The following F2 variants were observed in gnomAD, a reference collection of about 807,000 sequenced individuals.
The protein encoded by F2 is coagulation factor II, thrombin.
F2 carries 34 observed loss-of-function variants against 81.9 expected under a neutral mutation model. The observed-to-expected ratio is 0.42, with a 90% CI of 0.32 to 0.55. F2 has a LOEUF of 0.55. F2 is among the 20% of genes least tolerant of loss of function. The pLI, the probability that F2 is intolerant of heterozygous loss-of-function variation, is 0.18. For missense variants in F2, 630 were observed against 833.4 expected, an observed-to-expected ratio of 0.76 and a Z score of 3.00; for synonymous variants, 296 against 326.4, an observed-to-expected ratio of 0.91 and a Z score of 1.01.
Position 46,723,022 on chromosome 11 carries a change from A to G in F2, c.317-158A>G. The G allele has an allele frequency of 1.3e-6, 1 of 760,346 alleles. No homozygotes were observed. The highest frequency in any genetic ancestry group is 2.4e-6 in the Non-Finnish European group (1 of 417,234). 47.1% of individuals were successfully genotyped at this position (760,346 alleles called of 1,614,324 possible). Reference sequence around the variant, plus strand: ...ATATTTGGAGGCCACTGTTGAGTGAATGGGAGAACTGCTGGTTGCAGAGGA... The same window carrying G: ...ATATTTGGAGGCCACTGTTGAGTGAGTGGGAGAACTGCTGGTTGCAGAGGA... On this transcript the variant is annotated intron_variant, in intron 4 of 13. Coordinates refer to ENST00000311907, the MANE Select transcript of F2 (RefSeq NM_000506.5). The surrounding 1 kb of genome is among the most constrained non-coding windows in gnomAD (Gnocchi z 5.6).
At chr11:46,727,477 G>T (rs2064881804) in intron 9 of F2, among the ~76,000 whole-genome samples, 1 of 152,098 alleles carries the variant, frequency 6.6e-6, no homozygotes, top group South Asian at 2.1e-4. Context: ...TAGTTAGGGG[G>T]TGCAAAAAGC....
rs564623219 is a variant in F2, at chr11:46,725,627, G to A, written c.560-232G>A. Among the ~76,000 whole-genome samples, 6 of 152,196 alleles carry A rather than the reference G, an allele frequency of 3.9e-5. No individual in the cohort carries two copies. In the South Asian group the frequency reaches 1.0e-3, roughly 26 times the overall value. On this transcript the variant is annotated intron_variant, in intron 6 of 13. Transcript: ENST00000311907. ...GAGGCCAAACCTGGTTACTATCTCT[G>A]GTTTATTATGTGCCAGACACTTATG... is the stretch of plus-strand genomic sequence containing the variant.
intron 12 of F2, among the ~76,000 whole-genome samples, chr11:46,737,367 C>T (rs564350226): frequency 6.3e-4 from 95 of 151,264 alleles, no homozygotes; most frequent in Non-Finnish European, 1.3e-3. Flanking sequence ...TGGTCTCGAA[C>T]TCCTGACCTC....
chr11:46,733,582 T>C (rs987961934), intron 12 of F2, among the ~76,000 whole-genome samples: 1 of 152,166 alleles, frequency 6.6e-6, no homozygotes, highest in African/African-American at 2.4e-5. Context: ...TTTTTAAATT[T>C]CTTTCCATAA....
chr11:46,736,015 C>T (rs187582768), intron 12 of F2, among the ~76,000 whole-genome samples: 17 of 151,904 alleles, frequency 1.1e-4, no homozygotes, highest in East Asian at 9.7e-4. Flanking sequence ...CAAGCCTGGC[C>T]GACATGGTGA....
At position 46,726,321 on chromosome 11, in the gene F2, A is replaced by T; in HGVS notation, c.874+148A>T. 1 of 1,435,500 alleles carries T rather than the reference A, an allele frequency of 7.0e-7. No individual in the cohort carries two copies. The highest frequency in any genetic ancestry group is 9.5e-7 in the Non-Finnish European group (1 of 1,053,846). The allele number at this position is 1,435,500 out of a possible 1,614,324, so 88.9% of individuals were successfully genotyped here. ...AGGTGGGGGGTAAGGTCCTGTGCCC[A>T]TTTCACAGATAAGTACACTGAGGCC... On this transcript the variant is annotated intron_variant, in intron 7 of 13. Coordinates refer to ENST00000311907, the MANE Select transcript of F2 (RefSeq NM_000506.5). The surrounding 1 kb of genome is among the most constrained non-coding windows in gnomAD (Gnocchi z 5.9).
intron 12 of F2, among the ~76,000 whole-genome samples, chr11:46,738,491 C>T (rs531935333): frequency 7.3e-5 from 11 of 150,444 alleles, no homozygotes; most frequent in Admixed American, 2.7e-4. Flanking sequence ...TTAATTTTTT[C>T]GAGACAGGGT....
chr11:46,723,062 A>G lies in F2; in HGVS notation c.317-118A>G, dbSNP rs1220381251. 9 of 854,130 alleles carry G rather than the reference A, an allele frequency of 1.1e-5. No individual in the cohort carries two copies. The highest frequency in any genetic ancestry group is 1.7e-5 in the Admixed American group (1 of 59,022). 52.9% of individuals were successfully genotyped at this position (854,130 alleles called of 1,614,324 possible). On this transcript the variant is annotated intron_variant, in intron 4 of 13. Coordinates refer to ENST00000311907, the MANE Select transcript of F2 (RefSeq NM_000506.5). The surrounding 1 kb of genome is among the most constrained non-coding windows in gnomAD (Gnocchi z 5.6). ...GTTGCAGAGGAAGAGGGGCTGGGTG[A>G]ATGCAGGTTCAGGATTGTGGACCTG... is the stretch of plus-strand genomic sequence containing the variant.
chr11:46,720,018 G>A (rs896424682), intron 2 of F2, 156 bp downstream of exon 2: 10 of 1,049,028 alleles, frequency 9.5e-6, no homozygotes, highest in East Asian at 5.2e-5. Flanking sequence ...CAAGAGGAGC[G>A]GCCTCAGCCT....
At position 46,728,119 on chromosome 11, in the gene F2, C is replaced by A. The variant is rs375752222; in HGVS notation, c.1254C>A (p.Thr418=). Reference sequence around the variant, plus strand: ...ACCCGCCCTGGGACAAGAACTTCACCGAGAATGACCTTCTGGTGCGCATTG... The same window carrying A: ...ACCCGCCCTGGGACAAGAACTTCACAGAGAATGACCTTCTGGTGCGCATTG... ...LLYPPWDKNF[T]ENDLLVRIGK... is the part of the protein sequence containing the mutation. The change falls in exon 10 of 14, where the codon ACC becomes ACA. Residue 418 remains threonine, a synonymous_variant. Coordinates refer to ENST00000311907, the MANE Select transcript of F2 (RefSeq NM_000506.5). The surrounding 1 kb of genome is among the most constrained non-coding windows in gnomAD (Gnocchi z 5.1). 1.9e-6 allele frequency: 3 copies of A among 1,610,842 alleles called. No individual in the cohort carries two copies. The highest frequency in any genetic ancestry group is 2.5e-6 in the Non-Finnish European group (3 of 1,179,026).
chr11:46,738,020 C>T (rs890910883), intron 12 of F2, among the ~76,000 whole-genome samples: 38 of 151,328 alleles, frequency 2.5e-4, no homozygotes, highest in Non-Finnish European at 4.4e-4. Flanking sequence ...TTTTTCGAGA[C>T]AGAGTCTTGT....
chr11:46,738,201 A>G (rs1340485529), intron 12 of F2, among the ~76,000 whole-genome samples: 2 of 151,792 alleles, frequency 1.3e-5, no homozygotes, highest in East Asian at 1.9e-4. Context: ...GGGTTTCACC[A>G]CGTTGGCCAG....
At chr11:46,734,477 T>C (rs1219279872) in intron 12 of F2, among the ~76,000 whole-genome samples, 1 of 152,176 alleles carries the variant, frequency 6.6e-6, no homozygotes, top group Non-Finnish European at 1.5e-5. Context: ...GTCAAATTTA[T>C]CAATCATTTA....
At chr11:46,720,399 C>T in intron 2 of F2, 124 bp from the exon 3 acceptor site, 1 of 1,123,196 alleles carries the variant, frequency 8.9e-7, no homozygotes, top group Admixed American at 1.8e-5. Flanking sequence ...CTGCCACAAA[C>T]CTCCCCAGAG....
chr11:46,723,294 G>A lies in F2; in HGVS notation c.422+9G>A. On this transcript the variant is annotated intron_variant, in intron 5 of 13. Coordinates refer to ENST00000311907, the MANE Select transcript of F2 (RefSeq NM_000506.5). This position sits in a 1 kb window ranked among gnomAD's most constrained non-coding sequence, Gnocchi z 5.6. ...TACCCACATAAGCCTGAGTGAGTGAGGGGCCGGCCTTCCCACCATGGGCTG... is the reference window on the plus strand; with the variant it reads ...TACCCACATAAGCCTGAGTGAGTGAAGGGCCGGCCTTCCCACCATGGGCTG... 6.2e-7 allele frequency: 1 copy of A among 1,613,604 alleles called. No homozygotes were observed. Among genetic ancestry groups the A allele is most frequent in the African/African-American group, 1.3e-5 (1 of 75,028 alleles).
In F2 at chr11:46,720,636, G is replaced by A; in HGVS notation, c.265+89G>A. On this transcript the variant is annotated intron_variant, in intron 3 of 13. Transcript: ENST00000311907. ...CCCAGAGAATCTTCTGCTGCACCTA[G>A]CCATCCACCCATCCACCCCTTCCCC... 3.2e-6 allele frequency: 5 copies of A among 1,548,230 alleles called. No individual in the cohort carries two copies. The South Asian group carries it at 3.3e-5, about 10-fold the overall frequency.
rs145969693 is a variant in F2 at position 46,719,357 on chromosome 11, G to C, written c.79+43G>C. ...GGCTGGAACAGGCTGGAGGACTGGG[G>C]TGTGGGCCCATGGGCTGGGGTCTCC... On this transcript the variant is annotated intron_variant, in intron 1 of 13. Coordinates refer to ENST00000311907, the MANE Select transcript of F2 (RefSeq NM_000506.5). This position sits in a 1 kb window ranked among gnomAD's most constrained non-coding sequence, Gnocchi z 4.7. 3.9e-4 allele frequency: 623 copies of C among 1,591,010 alleles called. 1 individual carries two copies. In the East Asian group the frequency reaches 0.013, roughly 34 times the overall value.
chr11:46,736,786 C>A (rs2064946726), intron 12 of F2, among the ~76,000 whole-genome samples: 1 of 152,148 alleles, frequency 6.6e-6, no homozygotes, highest in Non-Finnish European at 1.5e-5. Context: ...GGTTTCCTGG[C>A]AATTCTTGCA....
intron 12 of F2, among the ~76,000 whole-genome samples, chr11:46,733,782 CTTTTTTTTT>C (rs34296052): frequency 4.5e-5 from 4 of 89,762 alleles, no homozygotes. Context: ...GATTAAGGAC[CTTTTTTTTT>C]TTTTTTTTTT....
Sources: allele counts gnomAD v4.1 joint callset (sites outside exome capture counted in the v4.1 genomes callset), GRCh38; gene constraint gnomAD v4.1.1; non-coding constraint Gnocchi (gnomAD v3.1); transcripts MANE v1.5; gene names NCBI Gene and HGNC (gene_info 2026-07-23, HGNC 2026-07-21).